RBM26: variants seen among roughly 807,000 people sequenced by gnomAD.
RBM26 encodes the protein RNA-binding protein 26.
A neutral mutation model predicts 123.6 loss-of-function variants in RBM26; 30 were observed. The observed-to-expected ratio is 0.24, with a 90% CI of 0.18 to 0.33. RBM26 has a LOEUF of 0.33. RBM26 is among the 10% of genes least tolerant of loss of function. The probability of loss-of-function intolerance (pLI) is 1.00; values close to 1 mark genes in which losing one functional copy is unlikely to be tolerated. For synonymous variants in RBM26, 400 were observed against 404.4 expected, an observed-to-expected ratio of 0.99 and a Z score of 0.13; for missense variants, 947 against 1,203.6, an observed-to-expected ratio of 0.79 and a Z score of 3.15.
rs575365617 is a variant in RBM26 at position 79,372,076 on chromosome 13, C to T, written c.328-146G>A. ...CGGGTGGTTCACGAAGTCGGAAGTTCGACACCAGCCTGGCCAACATGGTGA... is the reference window on the plus strand; with the variant it reads ...CGGGTGGTTCACGAAGTCGGAAGTTTGACACCAGCCTGGCCAACATGGTGA... On this transcript the variant is annotated intron_variant, in intron 3 of 21. Coordinates refer to ENST00000438737, the MANE Select transcript of RBM26 (RefSeq NM_001366735.2). The T allele has an allele frequency of 5.9e-4, 349 of 589,428 alleles. 3 individuals carry two copies. Among genetic ancestry groups the T allele is most frequent in the Non-Finnish European group, 9.1e-4 (305 of 334,776 alleles). 36.5% of individuals were successfully genotyped at this position (589,428 alleles called of 1,614,324 possible).
chr13:79,338,048 T>A (rs953509555), intron 18 of RBM26, among the ~76,000 whole-genome samples: 1 of 152,084 alleles, frequency 6.6e-6, no homozygotes, highest in Admixed American at 6.5e-5. Context: ...AAAAACCTCA[T>A]CTCTACTAAA....
chr13:79,404,853 T>C (rs1277158641), intron 1 of RBM26, among the ~76,000 whole-genome samples: 1 of 152,206 alleles, frequency 6.6e-6, no homozygotes, highest in Non-Finnish European at 1.5e-5. Context: ...GTCTTGTCGA[T>C]TTTAGAATTT....
intron 18 of RBM26, among the ~76,000 whole-genome samples, chr13:79,338,195 G>C (rs1386440244): frequency 6.6e-6 from 1 of 152,170 alleles, no homozygotes; most frequent in Non-Finnish European, 1.5e-5. Context: ...CTGGGCGACA[G>C]AGCAAGATTC....
intron 18 of RBM26, among the ~76,000 whole-genome samples, chr13:79,339,380 GTA>G (rs1372801877): frequency 6.6e-6 from 1 of 152,022 alleles, no homozygotes; most frequent in Non-Finnish European, 1.5e-5. Flanking sequence ...AATAATTATT[GTA>G]TACTTGAAAA....
rs1396052233 is a variant in RBM26 at position 79,336,842 on chromosome 13, T to A, written c.2733+260A>T. ...CAAACTAAACTACAAGACTTCCCTC[T>A]CTGAAACAGCAAAGTTTATATTGTT... On this transcript the variant is annotated intron_variant, in intron 19 of 21. Transcript: ENST00000438737. 4.6e-5 allele frequency among the ~76,000 whole-genome samples: 7 copies of A among 152,316 alleles called. No individual in the cohort carries two copies. The East Asian group carries it at 1.4e-3, about 29-fold the overall frequency.
At chr13:79,340,429 G>A (rs1026063529) in intron 18 of RBM26, among the ~76,000 whole-genome samples, 3 of 152,006 alleles carry the variant, frequency 2.0e-5, no homozygotes, top group Non-Finnish European at 2.9e-5. Context: ...CTCAGCTAAA[G>A]CTAAATAATC....
At position 79,390,695 on chromosome 13, in the gene RBM26, T is replaced by G. The variant is rs1235251982; in HGVS notation, c.72-11788A>C. On this transcript the variant is annotated intron_variant, in intron 1 of 21. Transcript: ENST00000438737. ...TACTCTGAAATGAACCAAAGGATAA[T>G]AGTGACAAGCACACTAAAATGTTAA... Among the ~76,000 whole-genome samples, 4 of 152,178 alleles carry G rather than the reference T, an allele frequency of 2.6e-5. No homozygotes were observed. In the South Asian group the frequency reaches 8.3e-4, roughly 31 times the overall value.
chr13:79,398,307 T>C (rs2078768649), intron 1 of RBM26, among the ~76,000 whole-genome samples: 2 of 152,244 alleles, frequency 1.3e-5, no homozygotes, highest in South Asian at 4.1e-4. Context: ...TACATTTTGC[T>C]CATAATACAG....
intron 14 of RBM26, among the ~76,000 whole-genome samples, chr13:79,352,551 TA>T (rs200976919): frequency 6.6e-6 from 1 of 151,174 alleles, no homozygotes. Context: ...CCCCTTCATT[TA>T]AAAAAAAAGA....
chr13:79,362,259 G>A (rs1300191884), intron 9 of RBM26, among the ~76,000 whole-genome samples: 1 of 152,148 alleles, frequency 6.6e-6, no homozygotes, highest in African/African-American at 2.4e-5. Flanking sequence ...GGAAACGGGT[G>A]TCTAATTTCA....
intron 7 of RBM26, 128 bp downstream of exon 7, chr13:79,366,505 A>G: frequency 1.1e-6 from 1 of 951,870 alleles, no homozygotes; most frequent in Non-Finnish European, 1.5e-6. Flanking sequence ...ATGGAAGTAT[A>G]CTGCTATTAA....
In RBM26 at chr13:79,320,630, C is replaced by T; in HGVS notation, c.3015G>A (p.Trp1005Ter). The stretch of plus-strand genomic sequence containing the variant: ...TCAATGATCAGTCAAATCATCTTCT[C>T]CAAGAACGAGATTCATTGTCCTCTT... ...EEEEDNESRS[W>*]RR is the part of the protein sequence containing the mutation. The change falls in exon 22 of 22, where the codon TGG becomes TGA. Residue 1005 changes from tryptophan to a stop codon, truncating the protein, a stop_gained. Coordinates refer to ENST00000438737, the MANE Select transcript of RBM26 (RefSeq NM_001366735.2). LOFTEE classifies it high-confidence loss of function. The T allele has an allele frequency of 6.3e-7, 1 of 1,595,550 alleles. No homozygotes were observed. Among genetic ancestry groups the T allele is most frequent in the Non-Finnish European group, 8.5e-7 (1 of 1,172,200 alleles).
intron 11 of RBM26, among the ~76,000 whole-genome samples, chr13:79,356,385 CAAACAA>C (rs1566428907): frequency 4.0e-4 from 5 of 12,394 alleles, no homozygotes; most frequent in South Asian, 3.0e-3. Context: ...AAAAAAAAAA[CAAACAA>C]AAAAAAACAA....
At chr13:79,368,299 T>C (rs1181697030) in intron 6 of RBM26, among the ~76,000 whole-genome samples, 3 of 152,242 alleles carry the variant, frequency 2.0e-5, no homozygotes, top group Non-Finnish European at 4.4e-5. Context: ...GTGCTGGGAT[T>C]ACAGGCGTGA....
At position 79,366,639 on chromosome 13, in the gene RBM26, C is replaced by T. The variant is rs774071047; in HGVS notation, c.1129G>A (p.Val377Ile). 5.2e-6 allele frequency: 8 copies of T among 1,544,314 alleles called. No homozygotes were observed. The South Asian group carries it at 1.0e-4, about 19-fold the overall frequency. ...AACAAACAGATTTACTTACCTGTAACAGGTGGGAGACTGGGTGGCAATGGA... is the reference window on the plus strand; with the variant it reads ...AACAAACAGATTTACTTACCTGTAATAGGTGGGAGACTGGGTGGCAATGGA... ...PGPLPPSLPP[V>I]TGPPPPLPPL... is the part of the protein sequence containing the mutation. Residue 377 changes from valine (V) to isoleucine (I), a missense_variant, in exon 7 of 22, where the codon GTT becomes ATT. Transcript: ENST00000438737.
At chr13:79,323,297 G>A (rs1432678577) in intron 20 of RBM26, among the ~76,000 whole-genome samples, 1 of 151,518 alleles carries the variant, frequency 6.6e-6, no homozygotes, top group African/African-American at 2.4e-5. Flanking sequence ...ACAGCATAAT[G>A]TGAAATGTAG....
intron 3 of RBM26, among the ~76,000 whole-genome samples, chr13:79,375,062 T>A (rs373683976): frequency 7.2e-6 from 1 of 138,578 alleles, no homozygotes; most frequent in Non-Finnish European, 1.5e-5. Context: ...TATTTATATT[T>A]TTATATATTT....
Position 79,371,563 on chromosome 13 carries a change from C to CA in RBM26, c.416+278dup, listed in dbSNP as rs540473420. Among the ~76,000 whole-genome samples, 685 of 138,972 alleles carry CA rather than the reference C, an allele frequency of 4.9e-3. 4 individuals are homozygous for CA. Among genetic ancestry groups the CA allele is most frequent in the African/African-American group, 0.016 (586 of 37,782 alleles). 91.2% of individuals were successfully genotyped at this position (138,972 alleles called of 152,430 possible). The stretch of plus-strand genomic sequence containing the variant: ...AATCACACTAAATGGAAACAGCAGG[C>CA]AAAAAAAAAACACCCACACATTAAG... On this transcript the variant is annotated intron_variant, in intron 4 of 21. Coordinates refer to ENST00000438737, the MANE Select transcript of RBM26 (RefSeq NM_001366735.2).
intron 14 of RBM26, among the ~76,000 whole-genome samples, chr13:79,352,399 T>C (rs1203020817): frequency 6.6e-6 from 1 of 152,076 alleles, no homozygotes; most frequent in Non-Finnish European, 1.5e-5. Context: ...GATTATTTAA[T>C]TCTCACATTC....
Sources: allele counts gnomAD v4.1 joint callset (sites outside exome capture counted in the v4.1 genomes callset), GRCh38; gene constraint gnomAD v4.1.1; transcripts MANE v1.5; gene names NCBI Gene and HGNC (gene_info 2026-07-23, HGNC 2026-07-21).